Variants in LIMCH1 observed in about 807,000 individuals in gnomAD.
LIMCH1 encodes the protein LIM and calponin homology domains 1, also known as LIM and calponin homology domains-containing protein 1.
A neutral mutation model predicts 176.5 loss-of-function variants in LIMCH1; 113 were observed. The ratio of observed to expected loss-of-function variants is 0.64; its 90% CI spans 0.55 to 0.75. The LOEUF is 0.75. LIMCH1 is among the 30% of genes least tolerant of loss of function. LIMCH1 has a pLI of 0.00. For synonymous variants in LIMCH1, 619 were observed against 645.9 expected (o/e 0.96, Z 0.63); for missense variants, 1,674 against 1,814.9 (o/e 0.92, Z 1.41).
chr4:41,561,226 A>T (rs777557705), intron 1 of LIMCH1, among the ~76,000 whole-genome samples: 6 of 152,206 alleles, frequency 3.9e-5, no homozygotes, highest in Admixed American at 6.5e-5. Context: ...TGTTTTAAAC[A>T]TTATTCTCCC....
chr4:41,572,547 G>GA (rs949006708), intron 1 of LIMCH1, among the ~76,000 whole-genome samples: 6 of 152,134 alleles, frequency 3.9e-5, no homozygotes, highest in Admixed American at 1.3e-4. Context: ...TTTTCTGGCA[G>GA]AAAAAAGCAA....
intron 27 of LIMCH1, among the ~76,000 whole-genome samples, chr4:41,685,235 C>T (rs1055236147): frequency 2.6e-5 from 4 of 152,036 alleles, no homozygotes; most frequent in Non-Finnish European, 1.5e-5. Context: ...ACATATTTAC[C>T]TGGGTTTGAT....
chr4:41,605,760 G>A, intron 3 of LIMCH1, 134 bp from the exon 4 acceptor site: 1 of 528,716 alleles, frequency 1.9e-6, no homozygotes, highest in Non-Finnish European at 3.6e-6. Context: ...GATACCTCAT[G>A]GGTGGTGGTT....
At chr4:41,545,079 A>C (rs2079182976) in intron 1 of LIMCH1, among the ~76,000 whole-genome samples, 1 of 152,244 alleles carries the variant, frequency 6.6e-6, no homozygotes, top group African/African-American at 2.4e-5. Context: ...GTATAACCTC[A>C]AAGTCACTGC....
intron 7 of LIMCH1, among the ~76,000 whole-genome samples, chr4:41,622,269 C>G (rs978661653): frequency 6.6e-6 from 1 of 152,052 alleles, no homozygotes; most frequent in African/African-American, 2.4e-5. Flanking sequence ...GCTGAGAAGA[C>G]AAAAATAATA....
intron 1 of LIMCH1, among the ~76,000 whole-genome samples, chr4:41,486,977 T>TACAC (rs71927545): frequency 0.027 from 3,687 of 138,482 alleles, 86 homozygotes; most frequent in African/African-American, 0.067. Flanking sequence ...CACACATACA[T>TACAC]ACACACACAC....
At chr4:41,530,489 G>A (rs1208733625) in intron 3 of LIMCH1, among the ~76,000 whole-genome samples, 1 of 151,972 alleles carries the variant, frequency 6.6e-6, no homozygotes, top group African/African-American at 2.4e-5. Flanking sequence ...TGTTCTCCGG[G>A]CTCGGTCTCT....
intron 29 of LIMCH1, 120 bp downstream of exon 29, chr4:41,688,037 C>A: frequency 1.4e-6 from 1 of 726,896 alleles, no homozygotes. Context: ...ATCCACATCT[C>A]TTCCTACACA....
chr4:41,385,660 C>G (rs2056392398), intron 1 of LIMCH1: 1 of 152,126 alleles, frequency 6.6e-6, no homozygotes, highest in Admixed American at 6.5e-5. Flanking sequence ...AATTCTAAAT[C>G]TGAGTAAGAG....
chr4:41,494,211 A>G (rs2071608560), intron 1 of LIMCH1, among the ~76,000 whole-genome samples: 1 of 151,900 alleles, frequency 6.6e-6, no homozygotes, highest in Non-Finnish European at 1.5e-5. Context: ...AAAGCTACAC[A>G]TGGGAAGGAA....
At chr4:41,509,293 A>C (rs1444408133) in intron 2 of LIMCH1, among the ~76,000 whole-genome samples, 1 of 152,006 alleles carries the variant, frequency 6.6e-6, no homozygotes, top group East Asian at 1.9e-4. Flanking sequence ...AGATCTTCCA[A>C]CCCCTCTTCT....
intron 1 of LIMCH1, among the ~76,000 whole-genome samples, chr4:41,413,403 C>T (rs1339336396): frequency 2.6e-5 from 4 of 151,908 alleles, no homozygotes; most frequent in Admixed American, 6.6e-5. Context: ...AATCATAGCT[C>T]ACTGCAGCCT....
At chr4:41,367,266 T>A (rs1428103314) in intron 1 of LIMCH1, among the ~76,000 whole-genome samples, 4 of 152,208 alleles carry the variant, frequency 2.6e-5, no homozygotes, top group Non-Finnish European at 5.9e-5. Flanking sequence ...ACAGATGATA[T>A]AGTCATATAA....
intron 5 of LIMCH1, among the ~76,000 whole-genome samples, chr4:41,618,692 G>C (rs1039893344): frequency 6.6e-6 from 1 of 152,134 alleles, no homozygotes; most frequent in Non-Finnish European, 1.5e-5. Context: ...AGTTTCTGTT[G>C]TTCTACATCT....
chr4:41,681,757 GTTTATCT>G (rs2153047003), intron 25 of LIMCH1, among the ~76,000 whole-genome samples: 1 of 152,272 alleles, frequency 6.6e-6, no homozygotes, highest in South Asian at 2.1e-4. Flanking sequence ...CATGGCACAT[GTTTATCT>G]GTGTAACAAA....
intron 4 of LIMCH1, among the ~76,000 whole-genome samples, chr4:41,610,354 GC>G (rs1561909775): frequency 6.6e-6 from 1 of 152,132 alleles, no homozygotes; most frequent in African/African-American, 2.4e-5. Flanking sequence ...CCAGCGGTCC[GC>G]CTCCCTGAGT....
intron 1 of LIMCH1, among the ~76,000 whole-genome samples, chr4:41,414,016 T>A (rs536281958): frequency 1.2e-4 from 18 of 152,304 alleles, no homozygotes; most frequent in African/African-American, 4.3e-4. Flanking sequence ...GTAATAAATA[T>A]ATTTAGTTTA....
At chr4:41,588,734 TG>T (rs1465632764) in intron 1 of LIMCH1, among the ~76,000 whole-genome samples, 1 of 152,232 alleles carries the variant, frequency 6.6e-6, no homozygotes, top group East Asian at 1.9e-4. Context: ...CTGGCACAGC[TG>T]GGCAACCACA....
intron 21 of LIMCH1, among the ~76,000 whole-genome samples, chr4:41,667,865 C>T (rs970053965): frequency 6.6e-6 from 1 of 151,888 alleles, no homozygotes; most frequent in Non-Finnish European, 1.5e-5. Context: ...GATGCAGTGG[C>T]TCACACCTGT....
Sources: gnomAD v4.1 joint callset for allele counts (sites outside exome capture counted in the v4.1 genomes callset) on GRCh38, gnomAD v4.1.1 for gene constraint, MANE v1.5 for transcripts, NCBI Gene and HGNC (gene_info 2026-07-23, HGNC 2026-07-21) for gene names.